Variants in PAPPA observed in about 807,000 individuals in gnomAD.
PAPPA encodes pappalysin 1.
Under a neutral mutation model 164.0 loss-of-function variants are expected in PAPPA, and 60 were observed. That is an observed-to-expected ratio of 0.37 (90% CI 0.30 to 0.45). PAPPA has a LOEUF of 0.45. PAPPA is among the 20% of genes least tolerant of loss of function. The probability of loss-of-function intolerance (pLI) is 1.00; values close to 1 mark genes in which losing one functional copy is unlikely to be tolerated. For synonymous variants in PAPPA, 875 were observed against 814.1 expected, an observed-to-expected ratio of 1.07 and a Z score of -1.27; for missense variants, 1,782 against 2,087.3, an observed-to-expected ratio of 0.85 and a Z score of 2.85.
At chr9:116,367,534 A>C in intron 18 of PAPPA, 111 bp from the exon 19 acceptor site, 1 of 732,978 alleles carries the variant, frequency 1.4e-6, no homozygotes, top group Non-Finnish European at 2.4e-6. Context: ...CAGGTTGGGT[A>C]GCTGAGTCCA....
chr9:116,293,729 C>T (rs1472977330), intron 9 of PAPPA, among the ~76,000 whole-genome samples: 2 of 152,112 alleles, frequency 1.3e-5, no homozygotes, highest in Non-Finnish European at 2.9e-5. Context: ...TCAAGGCAGG[C>T]GGATCACCTG....
At chr9:116,170,507 A>T (rs1237172688) in intron 1 of PAPPA, among the ~76,000 whole-genome samples, 1 of 152,130 alleles carries the variant, frequency 6.6e-6, no homozygotes, top group Non-Finnish European at 1.5e-5. Context: ...GACTTTGACC[A>T]TGAAGCCACA....
chr9:116,294,843 A>G (rs1845481766), intron 9 of PAPPA, among the ~76,000 whole-genome samples: 1 of 152,246 alleles, frequency 6.6e-6, no homozygotes, highest in Admixed American at 6.5e-5. Flanking sequence ...TTGGACTAAA[A>G]GAGAATATCA....
chr9:116,388,365 A>AATT (rs1846844096), intron 21 of PAPPA, among the ~76,000 whole-genome samples: 1 of 152,186 alleles, frequency 6.6e-6, no homozygotes, highest in Non-Finnish European at 1.5e-5. Flanking sequence ...AAAAAAATTC[A>AATT]ATTTATAATT....
intron 9 of PAPPA, among the ~76,000 whole-genome samples, chr9:116,296,862 A>ATT (rs141335308): frequency 8.7e-5 from 13 of 149,616 alleles, no homozygotes; most frequent in South Asian, 2.1e-4. Flanking sequence ...TTATGTGTTT[A>ATT]TTTTTTTTTT....
chr9:116,251,656 A>G (rs1236508753), intron 7 of PAPPA, among the ~76,000 whole-genome samples: 1 of 152,230 alleles, frequency 6.6e-6, no homozygotes, highest in Non-Finnish European at 1.5e-5. Context: ...TGGCTCCCAG[A>G]GTCCTTGGTG....
At chr9:116,262,419 CAG>C (rs2118805456) in intron 7 of PAPPA, among the ~76,000 whole-genome samples, 1 of 152,280 alleles carries the variant, frequency 6.6e-6, no homozygotes, top group South Asian at 2.1e-4. Flanking sequence ...AATCACATCT[CAG>C]GTGATCTGCT....
At chr9:116,350,608 A>G (rs1358880309) in intron 15 of PAPPA, among the ~76,000 whole-genome samples, 1 of 152,250 alleles carries the variant, frequency 6.6e-6, no homozygotes, top group Non-Finnish European at 1.5e-5. Flanking sequence ...AATACAATGT[A>G]CTTTTTAAGA....
chr9:116,217,268 C>A (rs1439627687), intron 4 of PAPPA, among the ~76,000 whole-genome samples: 1 of 152,000 alleles, frequency 6.6e-6, no homozygotes, highest in East Asian at 1.9e-4. Context: ...CTTTTTGTGC[C>A]CTTGCTCATT....
intron 1 of PAPPA, among the ~76,000 whole-genome samples, chr9:116,167,382 G>T (rs1163319613): frequency 6.6e-6 from 1 of 152,124 alleles, no homozygotes; most frequent in African/African-American, 2.4e-5. Flanking sequence ...TTTTTATTAA[G>T]TATTATATTT....
At chr9:116,371,186 G>A (rs1588024403) in intron 19 of PAPPA, among the ~76,000 whole-genome samples, 1 of 152,062 alleles carries the variant, frequency 6.6e-6, no homozygotes, top group South Asian at 2.1e-4. Context: ...TGAGGCCAAG[G>A]CAGGTGAATC....
chr9:116,273,480 A>C (rs573548199), intron 9 of PAPPA, among the ~76,000 whole-genome samples: 4 of 152,356 alleles, frequency 2.6e-5, no homozygotes, highest in African/African-American at 9.6e-5. Flanking sequence ...CTGGTATTTT[A>C]CCTGTGAAGT....
intron 7 of PAPPA, among the ~76,000 whole-genome samples, chr9:116,264,723 G>A (rs1845046344): frequency 6.6e-6 from 1 of 152,014 alleles, no homozygotes; most frequent in South Asian, 2.1e-4. Context: ...ATCATTTTGT[G>A]TTTTTTCCCA....
rs377669345 is a variant in PAPPA at position 116,207,432 on chromosome 9, G to C, written c.1479-24G>C. 99 of 1,593,996 alleles carry C rather than the reference G, an allele frequency of 6.2e-5. No homozygotes were observed. In the African/African-American group the frequency reaches 1.3e-3, roughly 21 times the overall value. ...TTATCTTTTTGGGGGCATGATAACA[G>C]CCAAGGTTCTTTTTCTGTTTCAGAG... On this transcript the variant is annotated intron_variant, in intron 2 of 21. Coordinates refer to ENST00000328252, the MANE Select transcript of PAPPA (RefSeq NM_002581.5).
rs75916412 is a variant in PAPPA at position 116,360,941 on chromosome 9, G to A, written c.4348-1651G>A. Among the ~76,000 whole-genome samples the A allele has an allele frequency of 3.1e-3, 471 of 152,334 alleles. 14 individuals carry two copies. The South Asian group carries it at 0.067, about 22-fold the overall frequency. On this transcript the variant is annotated intron_variant, in intron 17 of 21. Transcript: ENST00000328252. ...GCCCCATGCAGAATTGAGATGGCAG[G>A]AGAGCAGGATGGGTTGTGCCAGATA...
At chr9:116,218,555 C>A (rs760647884) in intron 4 of PAPPA, among the ~76,000 whole-genome samples, 1 of 152,188 alleles carries the variant, frequency 6.6e-6, no homozygotes, top group South Asian at 2.1e-4. Context: ...GAAATGCAAG[C>A]GTTCTCCCTC....
Position 116,227,681 on chromosome 9 carries a change from G to T in PAPPA, c.2233+129G>T, listed in dbSNP as rs996784165. On this transcript the variant is annotated intron_variant, in intron 6 of 21. Coordinates refer to ENST00000328252, the MANE Select transcript of PAPPA (RefSeq NM_002581.5). ...CATTTCATTTGAGTAACATCATCCT[G>T]CAAGGTTAGTAGTCAAGCGCTCATC... 2.4e-5 allele frequency: 24 copies of T among 993,992 alleles called. No homozygotes were observed. In the South Asian group the frequency reaches 2.6e-4, roughly 11 times the overall value. 61.6% of individuals were successfully genotyped at this position (993,992 alleles called of 1,614,324 possible). A position where few individuals can be genotyped will look rare whatever the true frequency, so the allele number is the denominator to read the frequency against.
intron 21 of PAPPA, among the ~76,000 whole-genome samples, chr9:116,391,953 C>A (rs1846898497): frequency 6.6e-6 from 1 of 152,122 alleles, no homozygotes; most frequent in African/African-American, 2.4e-5. Context: ...CTCTCCATGC[C>A]TCAGTTTCTT....
intron 1 of PAPPA, among the ~76,000 whole-genome samples, chr9:116,157,583 A>G (rs932651556): frequency 6.6e-6 from 1 of 151,926 alleles, no homozygotes; most frequent in Non-Finnish European, 1.5e-5. Context: ...CCGAATGGGG[A>G]GAGAGACACA....
Sources: gnomAD v4.1 joint callset for allele counts (sites outside exome capture counted in the v4.1 genomes callset) on GRCh38, gnomAD v4.1.1 for gene constraint, MANE v1.5 for transcripts, NCBI Gene and HGNC (gene_info 2026-07-23, HGNC 2026-07-21) for gene names.